JPH3: variants seen among roughly 807,000 people sequenced by gnomAD.
JPH3 encodes junctophilin 3.
JPH3 carries 11 observed loss-of-function variants against 59.6 expected under a neutral mutation model. The observed-to-expected ratio is 0.18, with a 90% CI of 0.12 to 0.31. The LOEUF (loss-of-function observed/expected upper bound fraction) is 0.31. Ranked by LOEUF, JPH3 falls within the 10% of genes least tolerant of loss-of-function variation. The probability of loss-of-function intolerance (pLI) is 1.00; values close to 1 mark genes in which losing one functional copy is unlikely to be tolerated. For synonymous variants in JPH3, 673 were observed against 483.6 expected, an observed-to-expected ratio of 1.39 and a Z score of -5.14; for missense variants, 1,202 against 1,105.7, an observed-to-expected ratio of 1.09 and a Z score of -1.24.
chr16:87,650,934 C>G (rs375244857), intron 2 of JPH3, among the ~76,000 whole-genome samples: 12 of 152,302 alleles, frequency 7.9e-5, no homozygotes, highest in African/African-American at 2.9e-4. Context: ...TTTTCAGTGT[C>G]GATGGAACAG....
At chr16:87,642,215 G>A (rs2031977639) in intron 1 of JPH3, among the ~76,000 whole-genome samples, 1 of 151,834 alleles carries the variant, frequency 6.6e-6, no homozygotes, top group African/African-American at 2.4e-5. Context: ...CTGGTGTGGG[G>A]CGTGTGAGTG....
At chr16:87,691,853 G>C (rs1273901483) in intron 4 of JPH3, among the ~76,000 whole-genome samples, 1 of 152,110 alleles carries the variant, frequency 6.6e-6, no homozygotes, top group Non-Finnish European at 1.5e-5. Flanking sequence ...GCGTGGCTGT[G>C]CGCGCGCGGT....
intron 3 of JPH3, among the ~76,000 whole-genome samples, chr16:87,685,766 C>T (rs531855458): frequency 3.4e-4 from 52 of 152,342 alleles, no homozygotes; most frequent in Admixed American, 2.9e-3. Context: ...CCACTGCCTG[C>T]GGCCTGTTTT....
intron 1 of JPH3, among the ~76,000 whole-genome samples, chr16:87,637,418 G>A (rs535366706): frequency 8.2e-6 from 1 of 122,188 alleles, no homozygotes; most frequent in Non-Finnish European, 1.7e-5. Flanking sequence ...GAGAGTGTGT[G>A]TGTTTGTGTG....
Position 87,611,164 on chromosome 16 carries a change from G to A in JPH3, c.382+7636G>A, listed in dbSNP as rs942768476. Reference sequence around the variant, plus strand: ...AAATGCAAGAAATAGGATGTCCTATGTTCTACCAGGAAGAATAAGGAGTCT... The same window carrying A: ...AAATGCAAGAAATAGGATGTCCTATATTCTACCAGGAAGAATAAGGAGTCT... On this transcript the variant is annotated intron_variant, in intron 1 of 4. Coordinates refer to ENST00000284262, the MANE Select transcript of JPH3 (RefSeq NM_020655.4). This position sits in a 1 kb window ranked among gnomAD's most constrained non-coding sequence, Gnocchi z 4.5. Among the ~76,000 whole-genome samples, 2 of 152,230 alleles carry A rather than the reference G, an allele frequency of 1.3e-5. No individual in the cohort carries two copies. Among genetic ancestry groups the A allele is most frequent in the African/African-American group, 4.8e-5 (2 of 41,446 alleles).
intron 4 of JPH3, among the ~76,000 whole-genome samples, chr16:87,692,206 T>TGTCTCCCTCCCC (rs57826471): frequency 0.02 from 2,961 of 151,468 alleles, 96 homozygotes; most frequent in African/African-American, 0.059. Flanking sequence ...TTTCCCTCCC[T>TGTCTCCCTCCCC]GTCTCCCTCC....
At chr16:87,625,824 G>A (rs909323708) in intron 1 of JPH3, among the ~76,000 whole-genome samples, 1 of 152,070 alleles carries the variant, frequency 6.6e-6, no homozygotes. Context: ...CGGGAGAACC[G>A]CAGCGGCTTG....
intron 2 of JPH3, among the ~76,000 whole-genome samples, chr16:87,673,317 T>A (rs1228583517): frequency 6.8e-5 from 10 of 147,898 alleles, no homozygotes; most frequent in South Asian, 4.4e-4. Context: ...GGGAGAGATT[T>A]AAAAAAAAAA....
At chr16:87,670,351 G>C (rs1382565195) in intron 2 of JPH3, among the ~76,000 whole-genome samples, 1 of 152,218 alleles carries the variant, frequency 6.6e-6, no homozygotes, top group East Asian at 1.9e-4. Flanking sequence ...GCCTCTGCAG[G>C]GTGGGTGGGG....
intron 2 of JPH3, among the ~76,000 whole-genome samples, chr16:87,666,879 G>A (rs748113346): frequency 2.0e-5 from 3 of 152,232 alleles, no homozygotes; most frequent in Non-Finnish European, 2.9e-5. Flanking sequence ...CACCGAGTGG[G>A]AGCTTGGCAG....
intron 1 of JPH3, among the ~76,000 whole-genome samples, chr16:87,641,846 G>C (rs979345997): frequency 1.3e-5 from 2 of 152,254 alleles, no homozygotes; most frequent in Admixed American, 1.3e-4. Flanking sequence ...TCCCTCTGGG[G>C]GCTCGTGATG....
chr16:87,612,004 C>T (rs757679072), intron 1 of JPH3, among the ~76,000 whole-genome samples: 3 of 152,222 alleles, frequency 2.0e-5, no homozygotes, highest in African/African-American at 7.2e-5. Context: ...GGTGCACTCA[C>T]TTTAACCCTA....
At chr16:87,657,950 C>T (rs982594901) in intron 2 of JPH3, among the ~76,000 whole-genome samples, 5 of 152,190 alleles carry the variant, frequency 3.3e-5, no homozygotes, top group Non-Finnish European at 5.9e-5. Flanking sequence ...ACAGCTGTCT[C>T]TACCAACCTG....
intron 1 of JPH3, among the ~76,000 whole-genome samples, chr16:87,613,244 C>G (rs1209509764): frequency 6.6e-6 from 1 of 151,384 alleles, no homozygotes; most frequent in Non-Finnish European, 1.5e-5. Flanking sequence ...CTACAGGTAC[C>G]CACCACCACG....
chr16:87,628,429 G>A (rs2031454972), intron 1 of JPH3, among the ~76,000 whole-genome samples: 1 of 152,242 alleles, frequency 6.6e-6, no homozygotes, highest in African/African-American at 2.4e-5. Context: ...GGAGGGGCCG[G>A]GTGGGGCCGG....
At chr16:87,684,529 G>T (rs761518673) in intron 3 of JPH3, 6 of 468,764 alleles carry the variant, frequency 1.3e-5, no homozygotes, top group Non-Finnish European at 2.3e-5. Flanking sequence ...TTGCTTGCCG[G>T]CTGTCCCTGA....
intron 2 of JPH3, among the ~76,000 whole-genome samples, chr16:87,681,390 A>T (rs2033289871): frequency 7.1e-6 from 1 of 141,018 alleles, no homozygotes; most frequent in Admixed American, 7.1e-5. Context: ...CCGGGAGGTC[A>T]GGTGCGCGCG....
rs777730732 is a variant in JPH3 at position 87,688,713 on chromosome 16, C to T, written c.1286-933C>T. 1.1e-3 allele frequency among the ~76,000 whole-genome samples: 173 copies of T among 152,188 alleles called. 1 individual carries two copies. The highest frequency in any genetic ancestry group is 1.5e-3 in the Non-Finnish European group (101 of 67,978). ...TCGGGCAGGACGGGGATGCTGGGGG[C>T]GGGGGTCCCACTGTTCTGTGCTGAG... On this transcript the variant is annotated intron_variant, in intron 3 of 4. Coordinates refer to ENST00000284262, the MANE Select transcript of JPH3 (RefSeq NM_020655.4).
intron 2 of JPH3, among the ~76,000 whole-genome samples, chr16:87,652,886 C>T (rs1412860809): frequency 2.0e-5 from 3 of 152,374 alleles, no homozygotes; most frequent in Admixed American, 1.3e-4. Context: ...CACTCTTCTT[C>T]CTGCCCTGCA....
Sources: gnomAD v4.1 joint callset for allele counts (sites outside exome capture counted in the v4.1 genomes callset) on GRCh38, gnomAD v4.1.1 for gene constraint, Gnocchi (gnomAD v3.1) non-coding constraint, MANE v1.5 for transcripts, NCBI Gene and HGNC (gene_info 2026-07-23, HGNC 2026-07-21) for gene names.